CECR2: variants seen among roughly 807,000 people sequenced by gnomAD.
CECR2 encodes the protein CECR2 histone acetyl-lysine reader, also known as chromatin remodeling regulator CECR2.
Under a neutral mutation model 154.5 loss-of-function variants are expected in CECR2, and 30 were observed. The observed-to-expected ratio is 0.19, with a 90% CI of 0.15 to 0.26. The LOEUF (loss-of-function observed/expected upper bound fraction) is 0.26. Among genes scored for constraint, CECR2 ranks in the 10% least tolerant of loss-of-function variants. The pLI is 1.00. For missense variants in CECR2, 1,743 were observed against 1,829.3 expected (o/e 0.95, Z 0.86); for synonymous variants, 725 against 683.7 (o/e 1.06, Z -0.94).
chr22:17,443,566 A>G (rs1270598566), intron 1 of CECR2, among the ~76,000 whole-genome samples: 2 of 152,104 alleles, frequency 1.3e-5, no homozygotes, highest in Admixed American at 1.3e-4. Context: ...ATGGAAAAAA[A>G]GTTACTGCTT....
chr22:17,422,558 T>C (rs1241372876), intron 1 of CECR2, among the ~76,000 whole-genome samples: 1 of 152,210 alleles, frequency 6.6e-6, no homozygotes, highest in Non-Finnish European at 1.5e-5. Flanking sequence ...TGGTTTGGTG[T>C]CTGACATTAA....
intron 1 of CECR2, among the ~76,000 whole-genome samples, chr22:17,465,575 C>T (rs2055017667): frequency 6.6e-6 from 1 of 152,148 alleles, no homozygotes; most frequent in Non-Finnish European, 1.5e-5. Context: ...ACTTCCACCT[C>T]CTGGGTTCAA....
At chr22:17,458,377 GCA>G (rs2054885920) in intron 1 of CECR2, among the ~76,000 whole-genome samples, 1 of 149,518 alleles carries the variant, frequency 6.7e-6, no homozygotes, top group African/African-American at 2.5e-5. Flanking sequence ...TTGCACCAAT[GCA>G]CTACAACCTG....
chr22:17,536,558 C>G (rs1466376842), intron 9 of CECR2, among the ~76,000 whole-genome samples: 2 of 152,226 alleles, frequency 1.3e-5, no homozygotes, highest in African/African-American at 4.8e-5. Flanking sequence ...GGCCTGCTGC[C>G]TGATCTGGGG....
In CECR2 at chr22:17,419,570, AAAG is replaced by A. The variant is rs200339991; in HGVS notation, c.126+49676_126+49678del. 1,267 of 230,854 alleles carry A rather than the reference AAAG, an allele frequency of 5.5e-3. 2 individuals carry two copies. The highest frequency in any genetic ancestry group is 6.8e-3 in the Non-Finnish European group (862 of 127,330). The allele number at this position is 230,854 out of a possible 1,614,324, so 14.3% of individuals were successfully genotyped here. ...AAGAGGAGGAGGAGGAGGAGGAAGA[AAAG>A]AAGAAGAAGAAGAAACAGTTTCTCC... On this transcript the variant is annotated intron_variant, in intron 1 of 18. Coordinates refer to ENST00000262608, the MANE Select transcript of CECR2 (RefSeq NM_001290047.2).
In CECR2 at chr22:17,504,439, A is replaced by T. The variant is rs560265229; in HGVS notation, c.701-408A>T. Among the ~76,000 whole-genome samples the T allele has an allele frequency of 1.4e-3, 215 of 151,156 alleles. 2 individuals carry two copies. The highest frequency in any genetic ancestry group is 5.1e-3 in the African/African-American group (209 of 41,298). ...TCCTTATTTTATTTTTTTTATTTTT[A>T]TTTATTTATTTATTTGAGACGGAGT... On this transcript the variant is annotated intron_variant, in intron 6 of 18. Transcript: ENST00000262608.
At chr22:17,509,978 C>G (rs2055913456) in intron 7 of CECR2, among the ~76,000 whole-genome samples, 1 of 152,120 alleles carries the variant, frequency 6.6e-6, no homozygotes, top group Non-Finnish European at 1.5e-5. Context: ...TTTACTTAAA[C>G]CTTTTTTTTG....
chr22:17,484,185 G>A (rs190641866), intron 2 of CECR2, among the ~76,000 whole-genome samples: 2 of 152,154 alleles, frequency 1.3e-5, no homozygotes, highest in Admixed American at 6.5e-5. Flanking sequence ...TAAGCAATGC[G>A]TGGCTATTTT....
chr22:17,438,438 A>G (rs927203335), intron 1 of CECR2, among the ~76,000 whole-genome samples: 1 of 152,156 alleles, frequency 6.6e-6, no homozygotes, highest in Non-Finnish European at 1.5e-5. Flanking sequence ...TAGTACCGTG[A>G]TTTGGTTCCT....
At chr22:17,546,824 A>G (rs2056621517) in intron 16 of CECR2, among the ~76,000 whole-genome samples, 1 of 151,986 alleles carries the variant, frequency 6.6e-6, no homozygotes, top group African/African-American at 2.4e-5. Context: ...GGATCACCTG[A>G]GGTCGGGAGT....
In CECR2 at chr22:17,414,174, G is replaced by A. The variant is rs534881130; in HGVS notation, c.126+44265G>A. Among the ~76,000 whole-genome samples the A allele has an allele frequency of 5.7e-3, 834 of 145,604 alleles. 10 individuals are homozygous for A. The highest frequency in any genetic ancestry group is 5.6e-3 in the Non-Finnish European group (370 of 66,202). On this transcript the variant is annotated intron_variant, in intron 1 of 18. Coordinates refer to ENST00000262608, the MANE Select transcript of CECR2 (RefSeq NM_001290047.2). ...TTTTTAGTAGAGATGGGATTTCACTGTGTTAGCCAGGATGGTCTCGATCGC... is the reference window on the plus strand; with the variant it reads ...TTTTTAGTAGAGATGGGATTTCACTATGTTAGCCAGGATGGTCTCGATCGC...
At chr22:17,524,353 T>C (rs1369299027) in intron 9 of CECR2, 82 bp downstream of exon 9, 7 of 1,439,626 alleles carry the variant, frequency 4.9e-6, no homozygotes, top group Middle Eastern at 2.4e-4. Flanking sequence ...TCAAGCTAAG[T>C]CCTGCCATGC....
intron 1 of CECR2, among the ~76,000 whole-genome samples, chr22:17,379,331 T>C (rs1470973123): frequency 6.6e-6 from 1 of 152,134 alleles, no homozygotes. Context: ...GGGAGGGAAC[T>C]GTGAAGCTAA....
intron 1 of CECR2, among the ~76,000 whole-genome samples, chr22:17,410,782 G>A (rs1466437988): frequency 1.3e-5 from 2 of 152,128 alleles, no homozygotes; most frequent in East Asian, 3.8e-4. Flanking sequence ...GTTTTTCCTT[G>A]CCAGATTCAC....
chr22:17,520,745 A>T (rs571428675), intron 8 of CECR2, among the ~76,000 whole-genome samples: 1 of 152,106 alleles, frequency 6.6e-6, no homozygotes, highest in Non-Finnish European at 1.5e-5. Context: ...CCTGCAAAGG[A>T]CATGAACTCG....
chr22:17,373,123 C>T (rs1427382107), intron 1 of CECR2, among the ~76,000 whole-genome samples: 2 of 152,086 alleles, frequency 1.3e-5, no homozygotes, highest in African/African-American at 4.8e-5. Context: ...AGTACAGTGG[C>T]GCGACCTCGG....
chr22:17,510,711 C>T (rs1008566958), intron 7 of CECR2, among the ~76,000 whole-genome samples: 2 of 152,186 alleles, frequency 1.3e-5, no homozygotes, highest in African/African-American at 4.8e-5. Context: ...AAGCAATTCT[C>T]CTGTCTCAGC....
upstream of CECR2, chr22:17,369,324 C>T (rs1031491921): frequency 7.9e-5 from 12 of 151,622 alleles, no homozygotes; most frequent in African/African-American, 2.9e-4. Context: ...GCCCCTCCCC[C>T]TCCCTGGCGG....
At chr22:17,390,223 C>T (rs576345869) in intron 1 of CECR2, among the ~76,000 whole-genome samples, 1 of 152,174 alleles carries the variant, frequency 6.6e-6, no homozygotes, top group Non-Finnish European at 1.5e-5. Flanking sequence ...AGACTAAAAG[C>T]CATTCATTCT....
Sources: gnomAD v4.1 joint callset for allele counts (sites outside exome capture counted in the v4.1 genomes callset) on GRCh38, gnomAD v4.1.1 for gene constraint, MANE v1.5 for transcripts, NCBI Gene and HGNC (gene_info 2026-07-23, HGNC 2026-07-21) for gene names.